SETBP1: variants seen among roughly 807,000 people sequenced by gnomAD.
SETBP1 encodes the protein SET-binding protein.
SETBP1 carries 9 observed loss-of-function variants against 101.0 expected under a neutral mutation model. That is an observed-to-expected ratio of 0.09 (90% CI 0.05 to 0.16). The LOEUF (loss-of-function observed/expected upper bound fraction) is 0.16. SETBP1 is among the 10% of genes least tolerant of loss of function. The pLI is 1.00. For missense variants in SETBP1, 1,858 were observed against 2,033.8 expected (o/e 0.91, Z 1.66); for synonymous variants, 818 against 788.5 (o/e 1.04, Z -0.63).
At chr18:44,699,756 T>C (rs1418136114) in intron 1 of SETBP1, among the ~76,000 whole-genome samples, 1 of 152,370 alleles carries the variant, frequency 6.6e-6, no homozygotes, top group East Asian at 1.9e-4. Context: ...GCTCCTGGGC[T>C]TCTCTGGGGA....
chr18:44,822,478 T>A (rs140044754), intron 2 of SETBP1, among the ~76,000 whole-genome samples: 1 of 152,326 alleles, frequency 6.6e-6, no homozygotes, highest in Non-Finnish European at 1.5e-5. Context: ...CAAAATGTCA[T>A]GGAGTAAAGG....
chr18:44,974,725 A>C (rs891543353), intron 4 of SETBP1, among the ~76,000 whole-genome samples: 5 of 152,236 alleles, frequency 3.3e-5, no homozygotes, highest in African/African-American at 1.2e-4. Flanking sequence ...AAACAAAATA[A>C]GAACATCCCA....
intron 4 of SETBP1, among the ~76,000 whole-genome samples, chr18:45,034,197 G>A (rs2073350842): frequency 6.6e-6 from 1 of 152,136 alleles, no homozygotes; most frequent in Non-Finnish European, 1.5e-5. Flanking sequence ...AAACAGAATC[G>A]AAATATTGAA....
intron 5 of SETBP1, among the ~76,000 whole-genome samples, chr18:45,057,262 G>A (rs2145574018): frequency 6.6e-6 from 1 of 152,140 alleles, no homozygotes; most frequent in South Asian, 2.1e-4. Context: ...TCTAAGGATG[G>A]AAGAAGAAAG....
chr18:44,921,541 A>T (rs916685772), intron 3 of SETBP1, among the ~76,000 whole-genome samples: 1 of 152,240 alleles, frequency 6.6e-6, no homozygotes, highest in South Asian at 2.1e-4. Context: ...ACCCATAATC[A>T]AAAGAACAAA....
At chr18:44,864,733 A>G (rs2069092105) in intron 2 of SETBP1, among the ~76,000 whole-genome samples, 1 of 151,996 alleles carries the variant, frequency 6.6e-6, no homozygotes, top group Non-Finnish European at 1.5e-5. Flanking sequence ...CGGTGCGGAC[A>G]TTTAGCCATC....
intron 3 of SETBP1, among the ~76,000 whole-genome samples, chr18:44,925,009 T>TTTG (rs1235878251): frequency 0.03 from 1,132 of 37,392 alleles, 121 homozygotes; most frequent in African/African-American, 0.072. Context: ...CTGTGTGAGT[T>TTTG]TTTTTTTTTT....
intron 3 of SETBP1, among the ~76,000 whole-genome samples, chr18:44,922,148 T>C (rs144602915): frequency 3.6e-4 from 55 of 152,326 alleles, no homozygotes; most frequent in African/African-American, 1.2e-3. Context: ...ATTCTCCAAG[T>C]GCTTATAGAT....
chr18:44,987,210 C>T (rs994325878), intron 4 of SETBP1: 2 of 152,166 alleles, frequency 1.3e-5, no homozygotes, highest in Admixed American at 6.5e-5. Flanking sequence ...ATATGTGGTC[C>T]GTCACTGACC....
chr18:44,891,888 A>G (rs1224141357), intron 3 of SETBP1, among the ~76,000 whole-genome samples: 1 of 152,160 alleles, frequency 6.6e-6, no homozygotes, highest in East Asian at 1.9e-4. Context: ...TGTAAAAGAC[A>G]TTATTTTTGA....
At chr18:44,808,421 G>A (rs1326355263) in intron 2 of SETBP1, among the ~76,000 whole-genome samples, 1 of 152,204 alleles carries the variant, frequency 6.6e-6, no homozygotes, top group African/African-American at 2.4e-5. Flanking sequence ...TTCATTTGAA[G>A]CCATCATTTC....
At chr18:44,886,403 C>G (rs2069649021) in intron 3 of SETBP1, among the ~76,000 whole-genome samples, 1 of 152,280 alleles carries the variant, frequency 6.6e-6, no homozygotes, top group Non-Finnish European at 1.5e-5. Flanking sequence ...TCTTGATGAA[C>G]TACTTAAATC....
In SETBP1 at chr18:45,017,189, G is replaced by GA. The variant is rs1020030950; in HGVS notation, c.4001-21288dup. ...CAGTGCTCCAGGCTTTGGAGAGCTAGAAAAAAAACAGGAAGAGGGACCCAG... is the reference window on the plus strand; with the variant it reads ...CAGTGCTCCAGGCTTTGGAGAGCTAGAAAAAAAAACAGGAAGAGGGACCCAG... On this transcript the variant is annotated intron_variant, in intron 4 of 5. Transcript: ENST00000649279. 3.9e-5 allele frequency among the ~76,000 whole-genome samples: 6 copies of GA among 151,990 alleles called. No homozygotes were observed. The South Asian group carries it at 6.2e-4, about 16-fold the overall frequency.
intron 4 of SETBP1, among the ~76,000 whole-genome samples, chr18:45,012,732 C>A (rs1030152328): frequency 2.0e-5 from 3 of 152,128 alleles, no homozygotes; most frequent in African/African-American, 7.2e-5. Context: ...GAACTACCAG[C>A]CATTATCTTA....
intron 4 of SETBP1, among the ~76,000 whole-genome samples, chr18:44,975,701 T>C (rs2071970827): frequency 6.6e-6 from 1 of 152,094 alleles, no homozygotes; most frequent in East Asian, 1.9e-4. Context: ...TAATGAGGAG[T>C]GATATGGATC....
chr18:44,923,067 T>C (rs1320047555), intron 3 of SETBP1, among the ~76,000 whole-genome samples: 1 of 152,178 alleles, frequency 6.6e-6, no homozygotes, highest in Non-Finnish European at 1.5e-5. Flanking sequence ...GTTACTACGT[T>C]GCAAAGAAGG....
intron 4 of SETBP1, among the ~76,000 whole-genome samples, chr18:44,980,405 G>A (rs7235772): frequency 0.29 from 43,359 of 151,460 alleles, 7,128 homozygotes; most frequent in East Asian, 0.55. Context: ...TTCATAGATC[G>A]TAGAATCTCA....
At chr18:45,013,662 A>T (rs1442589318) in intron 4 of SETBP1, among the ~76,000 whole-genome samples, 1 of 151,654 alleles carries the variant, frequency 6.6e-6, no homozygotes, top group Non-Finnish European at 1.5e-5. Flanking sequence ...CTGGTCTCGA[A>T]CTCCTGACCT....
rs117406438 is a variant in SETBP1 at position 45,033,082 on chromosome 18, G to A, written c.4001-5403G>A. Among the ~76,000 whole-genome samples, 243 of 152,158 alleles carry A rather than the reference G, an allele frequency of 1.6e-3. 4 individuals are homozygous for A. The East Asian group carries it at 0.045, about 28-fold the overall frequency. On this transcript the variant is annotated intron_variant, in intron 4 of 5. Coordinates refer to ENST00000649279, the MANE Select transcript of SETBP1 (RefSeq NM_015559.3). ...TTGATTCACTTTATTCTATAATGTC[G>A]ATTCCCCTTATTGCCATGAATGAAG...
Sources: allele counts gnomAD v4.1 joint callset (sites outside exome capture counted in the v4.1 genomes callset), GRCh38; gene constraint gnomAD v4.1.1; transcripts MANE v1.5; gene names NCBI Gene and HGNC (gene_info 2026-07-23, HGNC 2026-07-21).